GRIP1: variants seen among roughly 807,000 people sequenced by gnomAD.
GRIP1 encodes the protein glutamate receptor interacting protein 1.
Under a neutral mutation model 129.9 loss-of-function variants are expected in GRIP1, and 45 were observed. The observed-to-expected ratio is 0.35, with a 90% CI of 0.27 to 0.44. The LOEUF is 0.44. Ranked by LOEUF, GRIP1 falls within the 20% of genes least tolerant of loss-of-function variation. The pLI, the probability that GRIP1 is intolerant of heterozygous loss-of-function variation, is 1.00. For missense variants in GRIP1, 1,196 were observed against 1,396.8 expected (o/e 0.86, Z 2.29); for synonymous variants, 530 against 520.8 (o/e 1.02, Z -0.24).
rs574727908 is a variant in GRIP1 at position 66,700,002 on chromosome 12, T to G, written c.-419-69666A>C. Among the ~76,000 whole-genome samples the G allele has an allele frequency of 5.9e-5, 9 of 152,278 alleles. No individual in the cohort carries two copies. The South Asian group carries it at 1.9e-3, about 32-fold the overall frequency. The stretch of plus-strand genomic sequence containing the variant: ...GGGAGGGGCAAGTCAGGGACTAGCA[T>G]CATGCAGCAAGGCAGGGAGAGCTTC... On this transcript the variant is annotated intron_variant, in intron 1 of 4. Transcript: ENST00000538373.
intron 1 of GRIP1, among the ~76,000 whole-genome samples, chr12:66,700,455 G>C (rs2035312882): frequency 6.7e-6 from 1 of 149,228 alleles, no homozygotes; most frequent in Admixed American, 6.7e-5. Context: ...TTTAAATTAA[G>C]ATTTGGGGTT....
rs1001110036 is a variant in GRIP1 at position 66,934,200 on chromosome 12, G to A, written c.58+134850C>T. ...CTTGACAATCCACAGAACTGCTTCTGTTTCTCAAGCACATCATGCAACATC... is the reference window on the plus strand; with the variant it reads ...CTTGACAATCCACAGAACTGCTTCTATTTCTCAAGCACATCATGCAACATC... On this transcript the variant is annotated intron_variant, in intron 1 of 1. Coordinates refer to the GRIP1 transcript ENST00000643019. Among the ~76,000 whole-genome samples, 3 of 152,148 alleles carry A rather than the reference G, an allele frequency of 2.0e-5. No individual in the cohort carries two copies. The East Asian group carries it at 5.8e-4, about 29-fold the overall frequency.
rs35306665 is a variant in GRIP1, at chr12:66,979,222, T to TAAAAAAAAAAAAAAAAA, written c.58+89811_58+89827dup. Among the ~76,000 whole-genome samples the TAAAAAAAAAAAAAAAAA allele has an allele frequency of 2.7e-4, 11 of 41,456 alleles. 1 individual carries two copies. The highest frequency in any genetic ancestry group is 8.6e-4 in the Admixed American group (2 of 2,338). 27.2% of individuals were successfully genotyped at this position (41,456 alleles called of 152,430 possible). A position where few individuals can be genotyped will look rare whatever the true frequency, so the allele number is the denominator to read the frequency against. ...CCCCAAGCCACAAAACTTCTCTTCT[T>TAAAAAAAAAAAAAAAAA]AAAAAAAAAAAAAAAAAAAAAAAAA... is the stretch of plus-strand genomic sequence containing the variant. On this transcript the variant is annotated intron_variant, in intron 1 of 1. Transcript: ENST00000643019.
intron 1 of GRIP1, among the ~76,000 whole-genome samples, chr12:66,751,976 G>C (rs1407112039): frequency 6.6e-6 from 1 of 152,026 alleles, no homozygotes; most frequent in Non-Finnish European, 1.5e-5. Flanking sequence ...CTGTCAATAA[G>C]GTAAGCATGC....
At chr12:66,711,612 A>G (rs2035715159) in intron 1 of GRIP1, among the ~76,000 whole-genome samples, 2 of 151,882 alleles carry the variant, frequency 1.3e-5, no homozygotes. Flanking sequence ...TTCTTGGTAG[A>G]ATAATTGAGT....
chr12:66,627,569 T>C (rs948817937), intron 1 of GRIP1, among the ~76,000 whole-genome samples: 1 of 152,206 alleles, frequency 6.6e-6, no homozygotes. Flanking sequence ...CATTTCTCCC[T>C]TTTCTTCTAA....
intron 5 of GRIP1, 34 bp from the exon 6 acceptor site, chr12:66,518,010 T>C: frequency 8.6e-7 from 1 of 1,163,066 alleles, no homozygotes; most frequent in African/African-American, 1.5e-5. Flanking sequence ...TTAAAACTGC[T>C]TTCATTGTTG....
At chr12:66,786,757 A>G (rs1396828872) in intron 1 of GRIP1, among the ~76,000 whole-genome samples, 1 of 152,170 alleles carries the variant, frequency 6.6e-6, no homozygotes, top group Non-Finnish European at 1.5e-5. Flanking sequence ...GCCAACAGTC[A>G]TTATCGAGAG....
At chr12:67,037,329 AAATAATAAT>A (rs61468778) in intron 1 of GRIP1, 1 of 139,188 alleles carries the variant, frequency 7.2e-6, no homozygotes, top group African/African-American at 2.6e-5. Flanking sequence ...CTCTGCCTGA[AAATAATAAT>A]AATAATAATA....
chr12:66,822,293 T>G (rs1430742236), intron 1 of GRIP1, among the ~76,000 whole-genome samples: 1 of 152,140 alleles, frequency 6.6e-6, no homozygotes, highest in Non-Finnish European at 1.5e-5. Context: ...ATTCCAAAAC[T>G]CAGCATGCCA....
chr12:66,759,901 C>T (rs2037417762), intron 1 of GRIP1, among the ~76,000 whole-genome samples: 1 of 151,098 alleles, frequency 6.6e-6, no homozygotes, highest in African/African-American at 2.4e-5. Context: ...GTCGCCCAGG[C>T]TGCAGTGCAA....
intron 14 of GRIP1, among the ~76,000 whole-genome samples, chr12:66,430,289 C>G (rs1473788197): frequency 6.6e-6 from 1 of 152,126 alleles, no homozygotes; most frequent in African/African-American, 2.4e-5. Context: ...CAAAAGTCAG[C>G]GTGGTGGTGA....
At chr12:66,463,530 T>A (rs998640787) in intron 8 of GRIP1, among the ~76,000 whole-genome samples, 1 of 152,176 alleles carries the variant, frequency 6.6e-6, no homozygotes, top group Non-Finnish European at 1.5e-5. Context: ...TAGGGTCTAT[T>A]TTATGTGTAA....
At chr12:66,699,211 T>C (rs1407084581) in intron 1 of GRIP1, among the ~76,000 whole-genome samples, 1 of 152,164 alleles carries the variant, frequency 6.6e-6, no homozygotes. Context: ...CAGACAGACA[T>C]ATATAGATAA....
chr12:67,048,302 C>T (rs1416022730), intron 1 of GRIP1, among the ~76,000 whole-genome samples: 3 of 152,002 alleles, frequency 2.0e-5, no homozygotes, highest in Non-Finnish European at 4.4e-5. Flanking sequence ...ATTGTAGAAA[C>T]ATTAGGAAGT....
chr12:66,865,633 A>G (rs903978298), intron 1 of GRIP1, among the ~76,000 whole-genome samples: 1 of 151,792 alleles, frequency 6.6e-6, no homozygotes, highest in South Asian at 2.1e-4. Context: ...CCAACCATCC[A>G]TCCACCCACC....
At chr12:66,686,421 C>T (rs980207029) in intron 1 of GRIP1, among the ~76,000 whole-genome samples, 6 of 152,214 alleles carry the variant, frequency 3.9e-5, no homozygotes, top group African/African-American at 1.4e-4. Flanking sequence ...GTCTAACATG[C>T]ATAATTATAG....
intron 15 of GRIP1, among the ~76,000 whole-genome samples, chr12:66,409,841 C>A (rs1045106894): frequency 6.6e-6 from 1 of 152,214 alleles, no homozygotes; most frequent in African/African-American, 2.4e-5. Flanking sequence ...ATAAATTCAA[C>A]AAAGAGATTA....
At chr12:66,485,987 T>C (rs2059943980) in intron 7 of GRIP1, among the ~76,000 whole-genome samples, 1 of 152,066 alleles carries the variant, frequency 6.6e-6, no homozygotes, top group Non-Finnish European at 1.5e-5. Context: ...TCTTCGTGTG[T>C]CAGTACCATA....
Sources: allele counts gnomAD v4.1 joint callset (sites outside exome capture counted in the v4.1 genomes callset), GRCh38; gene constraint gnomAD v4.1.1; transcripts MANE v1.5; gene names NCBI Gene and HGNC (gene_info 2026-07-23, HGNC 2026-07-21).